The following CAMTA1 variants were observed in gnomAD, a reference collection of about 807,000 sequenced individuals.
CAMTA1 encodes the protein calmodulin-binding transcription activator 1.
Under a neutral mutation model 170.9 loss-of-function variants are expected in CAMTA1, and 27 were observed. The ratio of observed to expected loss-of-function variants is 0.16; its 90% CI spans 0.12 to 0.22. CAMTA1 has a LOEUF of 0.22. Ranked by LOEUF, CAMTA1 falls within the 10% of genes least tolerant of loss-of-function variation. The pLI is 1.00. For synonymous variants in CAMTA1, 833 were observed against 891.5 expected (o/e 0.93, Z 1.17); for missense variants, 1,619 against 2,217.2 (o/e 0.73, Z 5.42).
At chr1:7,571,810 T>C (rs531336419) in intron 6 of CAMTA1, among the ~76,000 whole-genome samples, 78 of 152,328 alleles carry the variant, frequency 5.1e-4, no homozygotes, top group African/African-American at 1.6e-3. Flanking sequence ...TGCATGCGTG[T>C]GTCTTTATGG....
chr1:6,858,228 T>G (rs1663167958), intron 3 of CAMTA1, among the ~76,000 whole-genome samples: 1 of 152,242 alleles, frequency 6.6e-6, no homozygotes, highest in Non-Finnish European at 1.5e-5. Flanking sequence ...TTGAATTCTT[T>G]GAATTAGCTT....
chr1:7,607,210 T>G (rs1020059903), intron 6 of CAMTA1, among the ~76,000 whole-genome samples: 1 of 146,936 alleles, frequency 6.8e-6, no homozygotes, highest in Non-Finnish European at 1.5e-5. Flanking sequence ...GGTAGGTGGA[T>G]GGATGGAAGA....
intron 5 of CAMTA1, among the ~76,000 whole-genome samples, chr1:7,454,811 C>T (rs1024604628): frequency 2.0e-5 from 3 of 152,190 alleles, no homozygotes; most frequent in African/African-American, 7.2e-5. Flanking sequence ...GGCAAAGTTC[C>T]TCAGTCCCTG....
chr1:7,401,342 A>G (rs904733934), intron 5 of CAMTA1, among the ~76,000 whole-genome samples: 70 of 152,146 alleles, frequency 4.6e-4, no homozygotes, highest in African/African-American at 1.7e-3. Context: ...CTGTTTCTAG[A>G]CTAGTTCATT....
At chr1:7,586,766 C>T (rs996681355) in intron 6 of CAMTA1, among the ~76,000 whole-genome samples, 1 of 152,086 alleles carries the variant, frequency 6.6e-6, no homozygotes, top group Non-Finnish European at 1.5e-5. Context: ...TGAGATGTGA[C>T]CAGGAAGATA....
chr1:7,640,433 G>A lies in CAMTA1; in HGVS notation c.544G>A (p.Val182Met). The A allele has an allele frequency of 6.2e-7, 1 of 1,614,126 alleles. No individual in the cohort carries two copies. The highest frequency in any genetic ancestry group is 8.5e-7 in the Non-Finnish European group (1 of 1,180,024). The change falls in exon 7 of 23, where the codon GTG becomes ATG. Residue 182 changes from valine to methionine, a missense_variant. By Grantham distance (21) the Val-to-Met change is conservative (BLOSUM62 1). This residue lies in a region of CAMTA1 where 97 missense variants were observed against 225.4 expected (regional missense o/e 0.43). Coordinates refer to ENST00000303635, the MANE Select transcript of CAMTA1 (RefSeq NM_015215.4). Reference sequence around the variant, plus strand: ...CATCGTCCTGGTGCACTACCTGAACGTGCCGGCCATCGAGGACTGCGGCAA... The same window carrying A: ...CATCGTCCTGGTGCACTACCTGAACATGCCGGCCATCGAGGACTGCGGCAA... Reference protein sequence around the residue: ...PDIVLVHYLNVPAIEDCGKPC... With the variant: ...PDIVLVHYLNMPAIEDCGKPC...
intron 5 of CAMTA1, among the ~76,000 whole-genome samples, chr1:7,418,324 T>C (rs1196791842): frequency 6.6e-6 from 1 of 152,144 alleles, no homozygotes; most frequent in Non-Finnish European, 1.5e-5. Flanking sequence ...GCCTCCCAAA[T>C]AGCTGGGATT....
intron 1 of CAMTA1, among the ~76,000 whole-genome samples, chr1:6,786,032 G>A (rs1211913452): frequency 6.6e-6 from 1 of 151,666 alleles, no homozygotes; most frequent in East Asian, 2.0e-4. Flanking sequence ...GCGCCCCACT[G>A]CTCCGGGCCG....
At chr1:7,655,015 C>T (rs1192105206) in intron 7 of CAMTA1, among the ~76,000 whole-genome samples, 2 of 147,166 alleles carry the variant, frequency 1.4e-5, no homozygotes, top group South Asian at 4.4e-4. Flanking sequence ...TATACACACA[C>T]CCCTATATAC....
intron 19 of CAMTA1, among the ~76,000 whole-genome samples, chr1:7,750,088 G>A (rs1385042919): frequency 6.6e-6 from 1 of 152,182 alleles, no homozygotes; most frequent in Non-Finnish European, 1.5e-5. Flanking sequence ...GCGCTTCACT[G>A]TGGCCCGATG....
chr1:7,081,233 T>C (rs1290544812), intron 3 of CAMTA1, among the ~76,000 whole-genome samples: 1 of 152,212 alleles, frequency 6.6e-6, no homozygotes, highest in African/African-American at 2.4e-5. Flanking sequence ...ATAATAATAA[T>C]GATGATGGTA....
intron 3 of CAMTA1, among the ~76,000 whole-genome samples, chr1:7,049,270 C>T (rs1705909222): frequency 6.6e-6 from 1 of 152,118 alleles, no homozygotes. Flanking sequence ...AGCCAGAAGC[C>T]AAGATGTTCC....
At chr1:7,404,168 C>T (rs576502830) in intron 5 of CAMTA1, among the ~76,000 whole-genome samples, 4 of 152,186 alleles carry the variant, frequency 2.6e-5, no homozygotes, top group South Asian at 2.1e-4. Flanking sequence ...TCCCCACTCC[C>T]GACACCACCC....
chr1:6,834,787 G>T (rs948286413), intron 3 of CAMTA1, among the ~76,000 whole-genome samples: 2 of 152,090 alleles, frequency 1.3e-5, no homozygotes, highest in Non-Finnish European at 2.9e-5. Flanking sequence ...ATAGGCGTGT[G>T]CCACGCCCAG....
chr1:7,472,862 CG>C (rs1225208380), intron 6 of CAMTA1, among the ~76,000 whole-genome samples: 2 of 152,156 alleles, frequency 1.3e-5, no homozygotes, highest in African/African-American at 2.4e-5. Flanking sequence ...GGACTCGGGG[CG>C]GGGACAATGC....
chr1:6,922,931 G>A (rs775050011), intron 3 of CAMTA1, among the ~76,000 whole-genome samples: 4 of 152,304 alleles, frequency 2.6e-5, no homozygotes, highest in South Asian at 2.1e-4. Context: ...TCACTCCGGT[G>A]ACGGTGGCAA....
Position 7,310,643 on chromosome 1 carries a change from T to TCTTTTTTC in CAMTA1, c.438+61018_438+61025dup, listed in dbSNP as rs1676392751. Among the ~76,000 whole-genome samples, 7 of 29,418 alleles carry TCTTTTTTC rather than the reference T, an allele frequency of 2.4e-4. 1 individual carries two copies. Among genetic ancestry groups the TCTTTTTTC allele is most frequent in the African/African-American group, 7.9e-4 (6 of 7,634 alleles). 19.3% of individuals were successfully genotyped at this position (29,418 alleles called of 152,430 possible). ...TTCTTTCTTTCTTTCTTTCTTTCTT[T>TCTTTTTTC]CTTTTTTCTTTCTTTCTTTCTTTCT... On this transcript the variant is annotated intron_variant, in intron 5 of 22. Coordinates refer to ENST00000303635, the MANE Select transcript of CAMTA1 (RefSeq NM_015215.4).
chr1:7,337,210 A>G (rs1468076127), intron 5 of CAMTA1, among the ~76,000 whole-genome samples: 3 of 152,168 alleles, frequency 2.0e-5, no homozygotes, highest in Non-Finnish European at 4.4e-5. Context: ...TCACCTTGTG[A>G]GGGGGACGGG....
rs41278042 is a variant in CAMTA1, at chr1:6,888,058, T to C, written c.234+62848T>C. ...TTCTTCCTAGCACCTGCCCCAGCGG[T>C]GGTATGTTTTCCAGTCAGTTACCAC... On this transcript the variant is annotated intron_variant, in intron 3 of 22. Transcript: ENST00000303635. The C allele has an allele frequency of 1.7e-3, 1,875 of 1,082,052 alleles. 7 individuals are homozygous for C. Among genetic ancestry groups the C allele is most frequent in the Non-Finnish European group, 1.9e-3 (1,707 of 881,998 alleles). The allele number at this position is 1,082,052 out of a possible 1,614,324, so 67.0% of individuals were successfully genotyped here.
Sources: allele counts gnomAD v4.1 joint callset (sites outside exome capture counted in the v4.1 genomes callset), GRCh38; gene constraint gnomAD v4.1.1; regional missense constraint gnomAD v4.1.1; transcripts MANE v1.5; gene names NCBI Gene and HGNC (gene_info 2026-07-23, HGNC 2026-07-21).